The following CTIF variants were observed in gnomAD, a reference collection of about 807,000 sequenced individuals.
The protein encoded by CTIF is CBP80/20-dependent translation initiation factor.
Under a neutral mutation model 66.0 loss-of-function variants are expected in CTIF, and 21 were observed. That is an observed-to-expected ratio of 0.32 (90% CI 0.23 to 0.46). The LOEUF (loss-of-function observed/expected upper bound fraction) is 0.46. Among genes scored for constraint, CTIF ranks in the 20% least tolerant of loss-of-function variants. CTIF has a pLI of 1.00. For synonymous variants in CTIF, 345 were observed against 326.4 expected (o/e 1.06, Z -0.62); for missense variants, 739 against 812.7 (o/e 0.91, Z 1.10).
intron 2 of CTIF, among the ~76,000 whole-genome samples, chr18:48,628,779 G>C (rs1295877870): frequency 6.6e-6 from 1 of 152,184 alleles, no homozygotes; most frequent in Non-Finnish European, 1.5e-5. Context: ...AAAGTTGTTT[G>C]TTCCTTAAAA....
chr18:48,765,204 A>G (rs1280732292), intron 9 of CTIF, among the ~76,000 whole-genome samples: 2 of 152,112 alleles, frequency 1.3e-5, no homozygotes, highest in Admixed American at 1.3e-4. Context: ...CTATGTTTGC[A>G]TCCCTTCCTG....
intron 5 of CTIF, among the ~76,000 whole-genome samples, chr18:48,668,889 G>A (rs7244270): frequency 0.073 from 11,118 of 152,128 alleles, 443 homozygotes; most frequent in South Asian, 0.094. Context: ...GGGCAGTTGT[G>A]TGCACTGTTT....
intron 1 of CTIF, among the ~76,000 whole-genome samples, chr18:48,610,753 G>A (rs1051308567): frequency 1.3e-5 from 2 of 152,234 alleles, no homozygotes; most frequent in Non-Finnish European, 2.9e-5. Flanking sequence ...GACTCATGGA[G>A]GCTACTCTTG....
chr18:48,843,998 AAC>A, intron 10 of CTIF, among the ~76,000 whole-genome samples: 1 of 152,302 alleles, frequency 6.6e-6, no homozygotes, highest in East Asian at 1.9e-4. Context: ...GATCTTTAAA[AAC>A]ACACAGAGCA....
chr18:48,786,246 G>A (rs1229684687), intron 9 of CTIF, among the ~76,000 whole-genome samples: 5 of 152,162 alleles, frequency 3.3e-5, no homozygotes, highest in African/African-American at 1.2e-4. Context: ...CTGTTTTTCA[G>A]CCTCCCTCCC....
chr18:48,580,072 A>T (rs2089620179), intron 1 of CTIF, among the ~76,000 whole-genome samples: 1 of 152,230 alleles, frequency 6.6e-6, no homozygotes, highest in Non-Finnish European at 1.5e-5. Flanking sequence ...TCTACTGAGA[A>T]ATAAAAGAGC....
intron 1 of CTIF, among the ~76,000 whole-genome samples, chr18:48,546,732 C>G (rs147746859): frequency 6.6e-6 from 1 of 151,980 alleles, no homozygotes; most frequent in Non-Finnish European, 1.5e-5. Context: ...AATCAAGAGC[C>G]CTGCCTAAAA....
At chr18:48,576,853 GT>G (rs2089544583) in intron 1 of CTIF, among the ~76,000 whole-genome samples, 1 of 152,222 alleles carries the variant, frequency 6.6e-6, no homozygotes, top group Admixed American at 6.5e-5. Context: ...TGTGGTTTTG[GT>G]TTTCTGGGCT....
chr18:48,662,288 G>A (rs1490795878), intron 3 of CTIF: 1 of 152,342 alleles, frequency 6.6e-6, no homozygotes, highest in Non-Finnish European at 1.5e-5. Context: ...TGGCGGCCCT[G>A]AATAAATGTG....
chr18:48,816,579 A>G (rs73956036), intron 9 of CTIF, among the ~76,000 whole-genome samples: 3,340 of 152,238 alleles, frequency 0.022, 133 homozygotes, highest in African/African-American at 0.077. Flanking sequence ...CTCTTGTATC[A>G]CAGTGATGAA....
chr18:48,738,181 A>G (rs979145178), intron 7 of CTIF, among the ~76,000 whole-genome samples: 1 of 152,234 alleles, frequency 6.6e-6, no homozygotes, highest in African/African-American at 2.4e-5. Flanking sequence ...GACCATCAGC[A>G]GTTCCTGCGG....
chr18:48,855,177 A>G (rs1308968096), intron 10 of CTIF, among the ~76,000 whole-genome samples: 1 of 152,160 alleles, frequency 6.6e-6, no homozygotes, highest in East Asian at 1.9e-4. Flanking sequence ...GCATCTCTCT[A>G]CAGTGTGATC....
chr18:48,827,356 G>A lies in CTIF; in HGVS notation c.1527+9980G>A, dbSNP rs571103741. 2.8e-4 allele frequency among the ~76,000 whole-genome samples: 42 copies of A among 152,306 alleles called. 1 individual carries two copies. Among genetic ancestry groups the A allele is most frequent in the Admixed American group, 2.4e-3 (36 of 15,308 alleles). ...GCAGTCTCTAGCCAGAGGAGCCCAC[G>A]GGTAACTCAGTGCCCGGAGGAGTGC... On this transcript the variant is annotated intron_variant, in intron 10 of 11. Transcript: ENST00000256413.
At chr18:48,734,210 G>A (rs1358084495) in intron 7 of CTIF, among the ~76,000 whole-genome samples, 3 of 152,214 alleles carry the variant, frequency 2.0e-5, no homozygotes, top group African/African-American at 7.2e-5. Context: ...ACCCTCGGCT[G>A]CACCTTCTGT....
chr18:48,701,641 G>C (rs557608115), intron 6 of CTIF, among the ~76,000 whole-genome samples: 1 of 152,256 alleles, frequency 6.6e-6, no homozygotes, highest in African/African-American at 2.4e-5. Context: ...ATTGTTTCCT[G>C]TACATTTTAC....
chr18:48,716,395 C>T (rs973495515), intron 7 of CTIF, among the ~76,000 whole-genome samples: 4 of 152,178 alleles, frequency 2.6e-5, no homozygotes, highest in Non-Finnish European at 4.4e-5. Context: ...GGGGCTTGAA[C>T]TACTAGTGAG....
At chr18:48,630,999 C>G (rs773895602) in intron 2 of CTIF, among the ~76,000 whole-genome samples, 1 of 152,266 alleles carries the variant, frequency 6.6e-6, no homozygotes, top group East Asian at 1.9e-4. Flanking sequence ...TTATGAGATA[C>G]TTTGATATCT....
At chr18:48,828,358 G>A (rs2068624508) in intron 10 of CTIF, among the ~76,000 whole-genome samples, 1 of 152,188 alleles carries the variant, frequency 6.6e-6, no homozygotes, top group Non-Finnish European at 1.5e-5. Context: ...CAGAATGCAT[G>A]TGCTCACGGG....
chr18:48,703,593 C>A (rs1273441266), intron 6 of CTIF, among the ~76,000 whole-genome samples: 1 of 152,130 alleles, frequency 6.6e-6, no homozygotes, highest in African/African-American at 2.4e-5. Context: ...TCTATCAGAC[C>A]TAGGTTCGTG....
Sources: gnomAD v4.1 joint callset for allele counts (sites outside exome capture counted in the v4.1 genomes callset) on GRCh38, gnomAD v4.1.1 for gene constraint, MANE v1.5 for transcripts, NCBI Gene and HGNC (gene_info 2026-07-23, HGNC 2026-07-21) for gene names.